The following ATXN2L variants were observed in gnomAD, a reference collection of about 807,000 sequenced individuals.
ATXN2L encodes ataxin-2-like protein.
A neutral mutation model predicts 120.7 loss-of-function variants in ATXN2L; 24 were observed. That is an observed-to-expected ratio of 0.20 (90% confidence interval 0.14 to 0.28). The LOEUF is 0.28. ATXN2L is among the 10% of genes least tolerant of loss of function. ATXN2L has a pLI of 1.00. For synonymous variants in ATXN2L, 653 were observed against 568.1 expected (o/e 1.15, Z -2.13); for missense variants, 1,312 against 1,432.3 (o/e 0.92, Z 1.36).
At position 28,830,793 on chromosome 16, in the gene ATXN2L, G is replaced by A. The variant is rs754374661; in HGVS notation, c.1210+3G>A. On this transcript the variant is annotated splice_donor_region_variant and intron_variant, in intron 9 of 21. Transcript: ENST00000336783. ...TGAGGCCCGTGGTATCAATGGAGGTGAGTTATGAGGTGACTTTGAGGAAGA... is the reference window on the plus strand; with the variant it reads ...TGAGGCCCGTGGTATCAATGGAGGTAAGTTATGAGGTGACTTTGAGGAAGA... 1.3e-6 allele frequency: 2 copies of A among 1,581,804 alleles called. No homozygotes were observed. The highest frequency in any genetic ancestry group is 1.9e-5 in the Admixed American group (1 of 53,172).
intron 1 of ATXN2L, chr16:28,824,351 G>A (rs2050897926): frequency 8.3e-7 from 1 of 1,202,572 alleles, no homozygotes; most frequent in South Asian, 1.4e-5. Context: ...GGCTCTGATC[G>A]CTGGAGGTGG....
Position 28,834,137 on chromosome 16 carries a change from G to A in ATXN2L, c.2098G>A (p.Ala700Thr), listed in dbSNP as rs371757757. 3.7e-6 allele frequency: 6 copies of A among 1,614,036 alleles called. No homozygotes were observed. In the African/African-American group the frequency reaches 8.0e-5, roughly 22 times the overall value. The change falls in exon 16 of 22, where the codon GCA becomes ACA. Residue 700 changes from alanine (A) to threonine (T), a missense_variant. Physicochemically the swap from Ala to Thr is moderately conservative, Grantham distance 58. Transcript: ENST00000336783. The stretch of plus-strand genomic sequence containing the variant: ...AACTCCCTCCATCCCGGTGCTGACA[G>A]CAGGCCAGAGTGGGCTATACAGCCC... ...HSTPSIPVLT[A>T]GQSGLYSPQY...
chr16:28,824,240 C>T, intron 1 of ATXN2L: 1 of 1,109,500 alleles, frequency 9.0e-7, no homozygotes, highest in East Asian at 8.8e-5. Context: ...AGGGGCTCGT[C>T]TGGTGGCAGT....
rs986608218 is a variant in ATXN2L, at chr16:28,823,339, C to T, written c.80C>T (p.Pro27Leu). The change falls in exon 1 of 22, where the codon CCC becomes CTC. Residue 27 changes from proline (P) to leucine (L), a missense_variant. Pro to Leu is a moderately conservative substitution (Grantham distance 98). Transcript: ENST00000336783. ...ACGCAACAGGCCGTGGCCCGTCGGC[C>T]CCCCGGGGGCACCAGCCCTCCCAAC... ...PPTQQAVARR[P>L]PGGTSPPNGG... The T allele has an allele frequency of 5.0e-5, 69 of 1,385,284 alleles. No homozygotes were observed. Among genetic ancestry groups the T allele is most frequent in the Non-Finnish European group, 6.4e-5 (68 of 1,070,818 alleles). The allele number at this position is 1,385,284 out of a possible 1,614,324, so 85.8% of individuals were successfully genotyped here. A position where few individuals can be genotyped will look rare whatever the true frequency, so the allele number is the denominator to read the frequency against.
chr16:28,835,473 T>C, intron 20 of ATXN2L, 74 bp downstream of exon 20: 1 of 1,610,408 alleles, frequency 6.2e-7, no homozygotes, highest in Non-Finnish European at 8.5e-7. Context: ...GAGCTAGGGG[T>C]CATTTCTGAG....
At chr16:28,824,210 G>A in intron 1 of ATXN2L, 1 of 1,065,508 alleles carries the variant, frequency 9.4e-7, no homozygotes, top group Non-Finnish European at 1.1e-6. Flanking sequence ...GGAACACCTA[G>A]GGCAGGGACT....
At position 28,830,935 on chromosome 16, in the gene ATXN2L, T is replaced by TTAA. The variant is rs777081249; in HGVS notation, c.1211-27_1211-26insTAA. ...TCGTCTGCCTCCTGACATTTTCTTCTCAAAAAAAAAAAAAAAAACCAAACA... is the reference window on the plus strand; with the variant it reads ...TCGTCTGCCTCCTGACATTTTCTTCTTAACAAAAAAAAAAAAAAAAACCAAACA... On this transcript the variant is annotated intron_variant, in intron 9 of 21. Transcript: ENST00000336783. 3.1e-5 allele frequency: 30 copies of TTAA among 963,188 alleles called. No homozygotes were observed. In the African/African-American group the frequency reaches 6.0e-4, roughly 19 times the overall value. The allele number at this position is 963,188 out of a possible 1,614,324, so 59.7% of individuals were successfully genotyped here.
At chr16:28,823,674 C>T (rs1170660829) in intron 1 of ATXN2L, 116 bp downstream of exon 1, 13 of 1,077,678 alleles carry the variant, frequency 1.2e-5, no homozygotes, top group Non-Finnish European at 1.5e-5. Flanking sequence ...GTGGGGAGTC[C>T]CCGTGAAGCT....
In ATXN2L at chr16:28,829,452, G is replaced by A. The variant is rs761493331; in HGVS notation, c.793G>A (p.Gly265Ser). The A allele has an allele frequency of 1.2e-6, 2 of 1,613,096 alleles. No individual in the cohort carries two copies. Among genetic ancestry groups the A allele is most frequent in the Admixed American group, 1.7e-5 (1 of 60,008 alleles). The change falls in exon 7 of 22, where the codon GGT becomes AGT. Residue 265 changes from glycine to serine, a missense_variant. Coordinates refer to ENST00000336783, the MANE Select transcript of ATXN2L (RefSeq NM_007245.4). ...EMFKFNEENY[G>S]VKTTYDSSLS... ...GTTCAAGTTCAATGAGGAGAACTAC[G>A]GTGTGAAGACTACCTATGATAGCAG...
chr16:28,832,148 T>C (rs1399234750), intron 10 of ATXN2L, 57 bp from the exon 11 acceptor site: 3 of 1,581,092 alleles, frequency 1.9e-6, no homozygotes, highest in Non-Finnish European at 2.6e-6. Flanking sequence ...GTAAGGCCCT[T>C]GTACTCACTG....
At chr16:28,824,110 C>G (rs946656353) in intron 1 of ATXN2L, 2 of 1,015,836 alleles carry the variant, frequency 2.0e-6, no homozygotes, top group South Asian at 6.5e-5. Flanking sequence ...ACTGGGAGGA[C>G]TGCGGGCCGG....
chr16:28,827,603 G>T (rs566433502), intron 6 of ATXN2L, among the ~76,000 whole-genome samples: 2 of 152,302 alleles, frequency 1.3e-5, no homozygotes, highest in South Asian at 4.1e-4. Flanking sequence ...TGAGCGCAGT[G>T]GCTCATGCCT....
In ATXN2L at chr16:28,835,330, G is replaced by C; in HGVS notation, c.2616G>C (p.Gln872His). The change falls in exon 20 of 22, where the codon CAG (glutamine) becomes CAC (histidine). Residue 872 changes from glutamine (Q) to histidine (H), a missense_variant. Coordinates refer to ENST00000336783, the MANE Select transcript of ATXN2L (RefSeq NM_007245.4). ...PHHATQLHAH[Q>H]PQPATTPTGS... is the part of the protein sequence containing the mutation. ...ATGCCACACAGCTCCATGCCCACCA[G>C]CCGCAGCCGGCTACCACGCCTACTG... 1 of 1,613,550 alleles carries C rather than the reference G, an allele frequency of 6.2e-7. No homozygotes were observed. The highest frequency in any genetic ancestry group is 8.5e-7 in the Non-Finnish European group (1 of 1,179,938).
Position 28,823,537 on chromosome 16 carries a change from C to T in ATXN2L, c.278C>T (p.Ala93Val). 7.3e-7 allele frequency: 1 copy of T among 1,370,700 alleles called. No homozygotes were observed. 84.9% of individuals were successfully genotyped at this position (1,370,700 alleles called of 1,614,324 possible). ...PPQQHQERPG[A>V]AAIGSARGQS... ...CAGCAACACCAGGAGAGGCCGGGGG[C>T]AGCCGCCATCGGCAGCGCCAGGTGA... Residue 93 changes from alanine to valine, a missense_variant, in exon 1 of 22, where the codon GCA becomes GTA. Transcript: ENST00000336783.
intron 6 of ATXN2L, among the ~76,000 whole-genome samples, chr16:28,828,189 G>A (rs1409953103): frequency 6.6e-6 from 1 of 152,170 alleles, no homozygotes; most frequent in Non-Finnish European, 1.5e-5. Context: ...CCACGCACAT[G>A]TGCCAGAATT....
intron 2 of ATXN2L, 39 bp downstream of exon 2, chr16:28,825,441 C>T (rs2051514002): frequency 1.2e-6 from 2 of 1,605,408 alleles, no homozygotes; most frequent in Admixed American, 1.7e-5. Flanking sequence ...ATACATAGAC[C>T]TAAAAGATGC....
In ATXN2L at chr16:28,823,331, C is replaced by T. The variant is rs371460252; in HGVS notation, c.72C>T (p.Ala24=). The T allele has an allele frequency of 2.9e-4, 407 of 1,403,622 alleles. No homozygotes were observed. The highest frequency in any genetic ancestry group is 5.4e-4 in the Middle Eastern group (2 of 3,720). The allele number at this position is 1,403,622 out of a possible 1,614,324, so 86.9% of individuals were successfully genotyped here. The change falls in exon 1 of 22, where the codon GCC becomes GCT. Residue 24 remains alanine, a synonymous_variant. Transcript: ENST00000336783. ...CGCCCCCCACGCAACAGGCCGTGGC[C>T]CGTCGGCCCCCCGGGGGCACCAGCC... ...QQPPPTQQAV[A]RRPPGGTSPP...
At chr16:28,827,905 T>G (rs2052772614) in intron 6 of ATXN2L, among the ~76,000 whole-genome samples, 1 of 152,166 alleles carries the variant, frequency 6.6e-6, no homozygotes, top group South Asian at 2.1e-4. Flanking sequence ...ATAGCGAGAC[T>G]ATCTGTTGAG....
rs961040380 is a variant in ATXN2L at position 28,824,182 on chromosome 16, G to A, written c.299+624G>A. The A allele has an allele frequency of 3.9e-6, 4 of 1,036,054 alleles. No individual in the cohort carries two copies. In the African/African-American group the frequency reaches 6.9e-5, roughly 18 times the overall value. 64.2% of individuals were successfully genotyped at this position (1,036,054 alleles called of 1,614,324 possible). On this transcript the variant is annotated intron_variant, in intron 1 of 21. Transcript: ENST00000336783. ...GCGTGGATGCTCGGTCTCATGACCC[G>A]GGCATTCGCGCGCCCCGGGAACACC...
Sources: allele counts gnomAD v4.1 joint callset (sites outside exome capture counted in the v4.1 genomes callset), GRCh38; gene constraint gnomAD v4.1.1; transcripts MANE v1.5; gene names NCBI Gene and HGNC (gene_info 2026-07-23, HGNC 2026-07-21).